EDIL3: variants seen among roughly 807,000 people sequenced by gnomAD.
EDIL3 encodes EGF-like repeat and discoidin I-like domain-containing protein 3.
In EDIL3, 37 loss-of-function variants were observed where a neutral mutation model predicts 67.4. The ratio of observed to expected loss-of-function variants is 0.55; its 90% CI spans 0.42 to 0.72. EDIL3 has a LOEUF of 0.72. Among genes scored for constraint, EDIL3 ranks in the 30% least tolerant of loss-of-function variants. The probability of loss-of-function intolerance (pLI) is 0.00; values close to 1 mark genes in which losing one functional copy is unlikely to be tolerated. For synonymous variants in EDIL3, 195 were observed against 196.3 expected (o/e 0.99, Z 0.05); for missense variants, 527 against 586.3 (o/e 0.90, Z 1.04).
intron 3 of EDIL3, among the ~76,000 whole-genome samples, chr5:84,228,942 C>T (rs1744504719): frequency 6.6e-6 from 1 of 152,134 alleles, no homozygotes; most frequent in Non-Finnish European, 1.5e-5. Context: ...GAGCCCTTTC[C>T]TGCTCTTGTC....
chr5:84,228,927 T>G (rs1362516868), intron 3 of EDIL3, among the ~76,000 whole-genome samples: 1 of 152,094 alleles, frequency 6.6e-6, no homozygotes, highest in Non-Finnish European at 1.5e-5. Context: ...GACCATTAAT[T>G]TCAGGAGCCC....
intron 3 of EDIL3, among the ~76,000 whole-genome samples, chr5:84,209,407 T>A (rs1319307024): frequency 1.3e-5 from 2 of 152,070 alleles, no homozygotes; most frequent in South Asian, 4.2e-4. Context: ...AATGTTTAGG[T>A]TGCACTACTA....
intron 6 of EDIL3, among the ~76,000 whole-genome samples, chr5:84,089,721 C>T (rs1244132376): frequency 2.6e-5 from 4 of 152,140 alleles, no homozygotes; most frequent in African/African-American, 4.8e-5. Context: ...TTTGGCATCT[C>T]CTTACCTTTT....
chr5:84,328,263 G>T (rs1458313809), intron 1 of EDIL3, among the ~76,000 whole-genome samples: 10 of 151,936 alleles, frequency 6.6e-5, no homozygotes, highest in South Asian at 4.1e-4. Flanking sequence ...TTAAAGTTGT[G>T]CCTTAAGATG....
intron 9 of EDIL3, among the ~76,000 whole-genome samples, chr5:83,992,604 A>G (rs1745170421): frequency 6.6e-6 from 1 of 152,178 alleles, no homozygotes; most frequent in Admixed American, 6.6e-5. Context: ...CATATTATTA[A>G]AATTGTGTTC....
At chr5:84,256,435 G>C (rs1745125402) in intron 1 of EDIL3, among the ~76,000 whole-genome samples, 1 of 152,152 alleles carries the variant, frequency 6.6e-6, no homozygotes, top group African/African-American at 2.4e-5. Context: ...AGGAGACTCA[G>C]TGCTATCAGG....
chr5:84,096,160 C>T (rs547238449), intron 6 of EDIL3, among the ~76,000 whole-genome samples: 2 of 152,240 alleles, frequency 1.3e-5, no homozygotes, highest in Admixed American at 1.3e-4. Context: ...GGGGTAAGAG[C>T]CCCCACACAG....
At chr5:84,254,259 G>A (rs1188933811) in intron 1 of EDIL3, 47 bp from the exon 2 acceptor site, 3 of 1,572,246 alleles carry the variant, frequency 1.9e-6, no homozygotes, top group South Asian at 2.4e-5. Flanking sequence ...TTTTGTCTTG[G>A]ACATTGAAAC....
In EDIL3 at chr5:84,259,108, C is replaced by T. The variant is rs1261189256; in HGVS notation, c.68-4896G>A. Among the ~76,000 whole-genome samples, 12 of 151,772 alleles carry T rather than the reference C, an allele frequency of 7.9e-5. No homozygotes were observed. In the East Asian group the frequency reaches 1.9e-3, roughly 25 times the overall value. The stretch of plus-strand genomic sequence containing the variant: ...CAGAGTGGCTGGGACTACAGTCGCC[C>T]GCCACCATGCCCAGCTAATTTTCTG... On this transcript the variant is annotated intron_variant, in intron 1 of 10. Transcript: ENST00000296591.
At chr5:84,114,865 C>T (rs1747636704) in intron 5 of EDIL3, among the ~76,000 whole-genome samples, 1 of 152,116 alleles carries the variant, frequency 6.6e-6, no homozygotes, top group South Asian at 2.1e-4. Flanking sequence ...ATATTGAAAG[C>T]TCAGAAGGTG....
At chr5:83,961,160 G>T (rs1744600148) in intron 10 of EDIL3, among the ~76,000 whole-genome samples, 1 of 151,020 alleles carries the variant, frequency 6.6e-6, no homozygotes, top group African/African-American at 2.4e-5. Flanking sequence ...AAAAAGGGTT[G>T]ATTTGATCAA....
intron 6 of EDIL3, among the ~76,000 whole-genome samples, chr5:84,069,016 GC>G (rs1472500951): frequency 2.0e-5 from 3 of 152,066 alleles, no homozygotes; most frequent in Non-Finnish European, 4.4e-5. Flanking sequence ...AATAACAATG[GC>G]TAAAAGGTGA....
chr5:84,361,968 T>G (rs776576596), intron 1 of EDIL3, among the ~76,000 whole-genome samples: 10 of 152,064 alleles, frequency 6.6e-5, no homozygotes, highest in Non-Finnish European at 1.5e-4. Context: ...ATGAGTTTTC[T>G]GCATGTGGCT....
In EDIL3 at chr5:84,319,631, T is replaced by C. The variant is rs147182483; in HGVS notation, c.67+64677A>G. 8.2e-3 allele frequency among the ~76,000 whole-genome samples: 1,242 copies of C among 151,754 alleles called. 17 individuals carry two copies. The highest frequency in any genetic ancestry group is 0.028 in the African/African-American group (1,155 of 41,388). On this transcript the variant is annotated intron_variant, in intron 1 of 10. Transcript: ENST00000296591. ...ATCTAGAACTAGAAATACCATTTGA[T>C]CCAGCAATCCCATTATTTAGTATAT...
chr5:83,984,508 T>C (rs1373424438), intron 9 of EDIL3, among the ~76,000 whole-genome samples: 1 of 151,988 alleles, frequency 6.6e-6, no homozygotes, highest in East Asian at 1.9e-4. Flanking sequence ...AAGAAACAAA[T>C]CAATAGTGCA....
chr5:84,375,130 C>A (rs1035949549), intron 1 of EDIL3, among the ~76,000 whole-genome samples: 1 of 151,986 alleles, frequency 6.6e-6, no homozygotes, highest in Non-Finnish European at 1.5e-5. Context: ...CACCACCACG[C>A]CCAGCTATTT....
chr5:84,052,836 T>A lies in EDIL3; in HGVS notation c.1137+7464A>T, dbSNP rs1265308843. 2.6e-5 allele frequency among the ~76,000 whole-genome samples: 4 copies of A among 152,288 alleles called. No individual in the cohort carries two copies. The East Asian group carries it at 5.8e-4, about 22-fold the overall frequency. On this transcript the variant is annotated intron_variant, in intron 9 of 10. Transcript: ENST00000296591. ...AGTCCTTAGGACCTACAAAGAGACT[T>A]AGACTCCCACACAATAATAATGGGA...
chr5:84,204,161 G>A (rs1216424098), intron 3 of EDIL3, among the ~76,000 whole-genome samples: 5 of 152,014 alleles, frequency 3.3e-5, no homozygotes, highest in African/African-American at 1.2e-4. Flanking sequence ...AACATAATAA[G>A]AATTAATTCA....
Position 83,941,072 on chromosome 5 carries a change from A to G in EDIL3, c.*2347T>C, listed in dbSNP as rs1580242983. On this transcript the variant is annotated 3_prime_UTR_variant, in exon 11 of 11. Coordinates refer to ENST00000296591, the MANE Select transcript of EDIL3 (RefSeq NM_005711.5). The stretch of plus-strand genomic sequence containing the variant: ...ACTGTACTGGTTTTAGTGTGAATTT[A>G]CATAGAATAAATTTACTTCACTTTC... 6.6e-6 allele frequency: 1 copy of G among 152,012 alleles called. No homozygotes were observed. The highest frequency in any genetic ancestry group is 2.4e-5 in the African/African-American group (1 of 41,452). The allele number at this position is 152,012 out of a possible 1,614,324, so 9.4% of individuals were successfully genotyped here. A position where few individuals can be genotyped will look rare whatever the true frequency, so the allele number is the denominator to read the frequency against.
Sources: gnomAD v4.1 joint callset for allele counts (sites outside exome capture counted in the v4.1 genomes callset) on GRCh38, gnomAD v4.1.1 for gene constraint, MANE v1.5 for transcripts, NCBI Gene and HGNC (gene_info 2026-07-23, HGNC 2026-07-21) for gene names.